Variants in DHX37 observed in about 807,000 individuals in gnomAD.
DHX37 encodes the protein probable ATP-dependent RNA helicase DHX37.
In DHX37, 52 loss-of-function variants were observed where a neutral mutation model predicts 134.3. The observed-to-expected ratio is 0.39, with a 90% CI of 0.31 to 0.49. The LOEUF is 0.49. Among genes scored for constraint, DHX37 ranks in the 20% least tolerant of loss-of-function variants. The pLI, the probability that DHX37 is intolerant of heterozygous loss-of-function variation, is 0.93. For synonymous variants in DHX37, 634 were observed against 670.7 expected, an observed-to-expected ratio of 0.95 and a Z score of 0.85; for missense variants, 1,344 against 1,580.8, an observed-to-expected ratio of 0.85 and a Z score of 2.54.
chr12:124,950,301 A>G lies in DHX37; in HGVS notation c.3122-58T>C. On this transcript the variant is annotated intron_variant, in intron 23 of 26. Coordinates refer to ENST00000308736, the MANE Select transcript of DHX37 (RefSeq NM_032656.4). ...TCCTGCAGCTGCCCTCCCGAGTCCC[A>G]TCCCTGCCCCACCCGAGACACACAC... 2.5e-6 allele frequency: 4 copies of G among 1,608,528 alleles called. 1 individual carries two copies. Among genetic ancestry groups the G allele is most frequent in the Middle Eastern group, 3.4e-4 (2 of 5,966 alleles).
At chr12:124,965,896 G>A (rs921194923) in intron 12 of DHX37, 84 bp from the exon 13 acceptor site, 17 of 1,527,982 alleles carry the variant, frequency 1.1e-5, no homozygotes, top group Admixed American at 1.8e-5. Context: ...AGGTGCCCTC[G>A]CATGGAAGCC....
intron 16 of DHX37, among the ~76,000 whole-genome samples, chr12:124,957,513 C>T (rs551969366): frequency 5.9e-5 from 9 of 152,328 alleles, no homozygotes; most frequent in East Asian, 3.9e-4. Context: ...TGGCCTGGTG[C>T]GGTGGCTCAC....
At chr12:124,976,021 C>G (rs932278451) in intron 5 of DHX37, among the ~76,000 whole-genome samples, 1 of 152,198 alleles carries the variant, frequency 6.6e-6, no homozygotes, top group Non-Finnish European at 1.5e-5. Context: ...TGGTTTATGC[C>G]GGACACCTGC....
chr12:124,954,192 C>T lies in DHX37; in HGVS notation c.2473G>A (p.Glu825Lys). The part of the protein sequence containing the change: ...ELDRPAASDE[E>K]LTRLKSKRAR... The stretch of plus-strand genomic sequence containing the variant: ...CGCTTGCTCTTCAGCCTGGTGAGCT[C>T]CTCGTCACTGGCCGCTGGTCTGCAA... Residue 825 changes from glutamate (E) to lysine (K), a missense_variant, in exon 19 of 27, where the codon GAG (glutamate) becomes AAG (lysine). By Grantham distance (56) the Glu-to-Lys change is moderately conservative. Coordinates refer to ENST00000308736, the MANE Select transcript of DHX37 (RefSeq NM_032656.4). 2 of 1,604,844 alleles carry T rather than the reference C, an allele frequency of 1.2e-6. No homozygotes were observed. The highest frequency in any genetic ancestry group is 1.7e-6 in the Non-Finnish European group (2 of 1,176,300).
intron 16 of DHX37, 151 bp from the exon 17 acceptor site, chr12:124,957,286 G>A (rs1566327987): frequency 1.7e-6 from 1 of 587,060 alleles, no homozygotes; most frequent in Non-Finnish European, 2.6e-6. Context: ...CACTCTCAAA[G>A]GCCAGGTCCC....
rs1253679620 is a variant in DHX37 at position 124,986,084 on chromosome 12, A to C, written c.276+12T>G. ...GAGAGCCACTTGCAGACCCTGCCCG[A>C]GTGGGGTGTACCTGGCTCTTTTTCT... On this transcript the variant is annotated intron_variant, in intron 2 of 26. Coordinates refer to ENST00000308736, the MANE Select transcript of DHX37 (RefSeq NM_032656.4). 2.5e-6 allele frequency: 4 copies of C among 1,612,704 alleles called. No individual in the cohort carries two copies. Among genetic ancestry groups the C allele is most frequent in the Non-Finnish European group, 3.4e-6 (4 of 1,179,850 alleles).
At chr12:124,975,080 T>A (rs543511162) in intron 6 of DHX37, among the ~76,000 whole-genome samples, 26 of 152,262 alleles carry the variant, frequency 1.7e-4, no homozygotes, top group Non-Finnish European at 3.4e-4. Context: ...CCGGCCAAGA[T>A]TTTGTACTTT....
rs73419485 is a variant in DHX37 at position 124,949,307 on chromosome 12, G to A, written c.3290+679C>T. 0.036 allele frequency among the ~76,000 whole-genome samples: 5,418 copies of A among 152,264 alleles called. 351 individuals are homozygous for A. Among genetic ancestry groups the A allele is most frequent in the African/African-American group, 0.12 (5,133 of 41,528 alleles). On this transcript the variant is annotated intron_variant, in intron 25 of 26. Transcript: ENST00000308736. This position sits in a 1 kb window ranked among gnomAD's most constrained non-coding sequence, Gnocchi z 4.0. ...GGCACCTGCCTGCACCTTCAGGCCTGCCTCCAGTGCCCCAAGCCCCTGCAC... is the reference window on the plus strand; with the variant it reads ...GGCACCTGCCTGCACCTTCAGGCCTACCTCCAGTGCCCCAAGCCCCTGCAC...
intron 15 of DHX37, among the ~76,000 whole-genome samples, chr12:124,961,284 ACACT>A (rs1566332697): frequency 8.1e-6 from 1 of 123,606 alleles, no homozygotes; most frequent in East Asian, 2.3e-4. Context: ...GCACGCACAC[ACACT>A]TACACGCGTG....
rs756487768 is a variant in DHX37, at chr12:124,989,036, G to C, written c.-14C>G. The C allele has an allele frequency of 7.4e-7, 1 of 1,350,006 alleles. No homozygotes were observed. The highest frequency in any genetic ancestry group is 9.6e-7 in the Non-Finnish European group (1 of 1,043,638). The allele number at this position is 1,350,006 out of a possible 1,614,324, so 83.6% of individuals were successfully genotyped here. On this transcript the variant is annotated 5_prime_UTR_variant, in exon 1 of 27. Coordinates refer to ENST00000308736, the MANE Select transcript of DHX37 (RefSeq NM_032656.4). ...CAGCTTCCCCATGGCGACTAGGCCA[G>C]GGTGGGCGCTCCAGCGGCCGGACCA...
chr12:124,965,062 G>T (rs1280892609), intron 13 of DHX37, 56 bp from the exon 14 acceptor site: 28 of 1,551,164 alleles, frequency 1.8e-5, no homozygotes, highest in Non-Finnish European at 2.4e-5. Context: ...CCCACAGGCA[G>T]GAGCTGGCCA....
chr12:124,964,165 A>G, intron 15 of DHX37, among the ~76,000 whole-genome samples: 1 of 141,914 alleles, frequency 7.0e-6, no homozygotes, highest in East Asian at 2.2e-4. Flanking sequence ...ATTGCATTCC[A>G]GCCTGGGTGA....
intron 5 of DHX37, among the ~76,000 whole-genome samples, chr12:124,977,033 G>A (rs1436076824): frequency 1.4e-4 from 18 of 129,550 alleles, no homozygotes; most frequent in African/African-American, 5.3e-4. Context: ...GTGACACAGC[G>A]AGACGCTGTC....
At chr12:124,972,700 G>A (rs1370929949) in intron 6 of DHX37, 101 bp from the exon 7 acceptor site, 1 of 1,146,938 alleles carries the variant, frequency 8.7e-7, no homozygotes, top group Non-Finnish European at 1.3e-6. Context: ...GGCGGCTTGA[G>A]GGCAGGGCCC....
intron 10 of DHX37, 136 bp from the exon 11 acceptor site, chr12:124,967,354 A>G: frequency 1.1e-6 from 1 of 934,742 alleles, no homozygotes; most frequent in Non-Finnish European, 1.6e-6. Context: ...ACAGACATAG[A>G]TGAGCAGGGG....
chr12:124,952,715 G>C, intron 20 of DHX37, 145 bp from the exon 21 acceptor site: 1 of 766,760 alleles, frequency 1.3e-6, no homozygotes, highest in Non-Finnish European at 1.8e-6. Flanking sequence ...CCACCAGCAG[G>C]ACCCAAAGCC....
At chr12:124,986,004 T>C in intron 2 of DHX37, 92 bp downstream of exon 2, 1 of 1,503,686 alleles carries the variant, frequency 6.7e-7, no homozygotes, top group East Asian at 2.3e-5. Flanking sequence ...TTCTATTAGT[T>C]GCACCACAGA....
rs188836983 is a variant in DHX37 at position 124,957,437 on chromosome 12, T to C, written c.2158-302A>G. ...GGTTTTTAACAGACTATTATACTCA[T>C]GAGGACTGAGCGTCATTTGACCAGG... On this transcript the variant is annotated intron_variant, in intron 16 of 26. Transcript: ENST00000308736. Among the ~76,000 whole-genome samples, 58 of 152,288 alleles carry C rather than the reference T, an allele frequency of 3.8e-4. No homozygotes were observed. In the East Asian group the frequency reaches 8.3e-3, roughly 22 times the overall value.
intron 15 of DHX37, among the ~76,000 whole-genome samples, 191 bp from the exon 16 acceptor site, chr12:124,960,614 C>G (rs1189085295): frequency 6.6e-6 from 1 of 152,164 alleles, no homozygotes; most frequent in Admixed American, 6.5e-5. Context: ...TGAAATGCAG[C>G]TCAAATTGCA....
Sources: allele counts gnomAD v4.1 joint callset (sites outside exome capture counted in the v4.1 genomes callset), GRCh38; gene constraint gnomAD v4.1.1; non-coding constraint Gnocchi (gnomAD v3.1); transcripts MANE v1.5; gene names NCBI Gene and HGNC (gene_info 2026-07-23, HGNC 2026-07-21).